CSMD1: variants seen among roughly 807,000 people sequenced by gnomAD.
CSMD1 encodes the protein CUB and Sushi multiple domains 1.
A neutral mutation model predicts 417.5 loss-of-function variants in CSMD1; 213 were observed. The ratio of observed to expected loss-of-function variants is 0.51; its 90% confidence interval spans 0.46 to 0.57. The LOEUF (loss-of-function observed/expected upper bound fraction) is 0.57. Ranked by LOEUF, CSMD1 falls within the 20% of genes least tolerant of loss-of-function variation. CSMD1 has a pLI of 0.00. For synonymous variants in CSMD1, 2,862 were observed against 1,736.8 expected (o/e 1.65, Z -16.11); for missense variants, 6,923 against 4,529.7 (o/e 1.53, Z -15.17).
At chr8:3,311,441 G>A (rs945320727) in intron 23 of CSMD1, among the ~76,000 whole-genome samples, 1 of 150,216 alleles carries the variant, frequency 6.7e-6, no homozygotes, top group Non-Finnish European at 1.5e-5. Flanking sequence ...GTAGAGTCAG[G>A]GTTTCACCAC....
At chr8:3,315,437 A>T (rs369521807) in intron 23 of CSMD1, among the ~76,000 whole-genome samples, 16 of 124,162 alleles carry the variant, frequency 1.3e-4, no homozygotes, top group South Asian at 2.3e-4. Context: ...AGGTGAAGTG[A>T]GTGTGTGTGT....
Position 4,824,889 on chromosome 8 carries a change from G to A in CSMD1, c.85+169443C>T, listed in dbSNP as rs545551745. 2.6e-5 allele frequency among the ~76,000 whole-genome samples: 4 copies of A among 152,176 alleles called. No individual in the cohort carries two copies. The South Asian group carries it at 6.2e-4, about 24-fold the overall frequency. ...TCATTGTAATAGAACGTGGCCACAG[G>A]GTAATGGGCTGTTACTGCTACACAA... is the stretch of plus-strand genomic sequence containing the variant. On this transcript the variant is annotated intron_variant, in intron 1 of 69. Coordinates refer to ENST00000635120, the MANE Select transcript of CSMD1 (RefSeq NM_033225.6).
rs369988550 is a variant in CSMD1, at chr8:3,343,384, G to C, written c.3541C>G (p.Leu1181Val). 2 of 1,613,724 alleles carry C rather than the reference G, an allele frequency of 1.2e-6. No homozygotes were observed. The highest frequency in any genetic ancestry group is 1.7e-6 in the Non-Finnish European group (2 of 1,179,690). Residue 1181 changes from leucine (L) to valine (V), a missense_variant, in exon 23 of 70, where the codon CTG becomes GTG. Transcript: ENST00000635120. ...GTFTKNELLG[L>V]ILNSTSNHLW... The stretch of plus-strand genomic sequence containing the variant: ...TGATTGGATGTGCTGTTTAGGATCA[G>C]CCCCAGAAGTTCATTTTTAGTGAAC...
At chr8:3,485,445 G>A (rs1027138319) in intron 11 of CSMD1, among the ~76,000 whole-genome samples, 1 of 151,604 alleles carries the variant, frequency 6.6e-6, no homozygotes, top group Non-Finnish European at 1.5e-5. Flanking sequence ...GGAACTTTGG[G>A]GTATTAGAAA....
chr8:3,548,426 G>C (rs889282461), intron 10 of CSMD1, among the ~76,000 whole-genome samples: 3 of 151,914 alleles, frequency 2.0e-5, no homozygotes, highest in African/African-American at 2.4e-5. Flanking sequence ...CCAGTTTGTA[G>C]TCTTGTATCC....
intron 3 of CSMD1, among the ~76,000 whole-genome samples, chr8:4,261,123 TG>T (rs1803850180): frequency 6.6e-6 from 1 of 152,240 alleles, no homozygotes; most frequent in Non-Finnish European, 1.5e-5. Flanking sequence ...TGTCTGTGTT[TG>T]TTAGACTCTT....
intron 3 of CSMD1, among the ~76,000 whole-genome samples, chr8:4,418,890 G>T (rs750920237): frequency 1.3e-5 from 2 of 152,122 alleles, no homozygotes; most frequent in African/African-American, 2.4e-5. Context: ...AGGCAGAATC[G>T]CAGACCATTC....
At chr8:4,606,491 A>G in intron 2 of CSMD1, among the ~76,000 whole-genome samples, 1 of 151,440 alleles carries the variant, frequency 6.6e-6, no homozygotes, top group Non-Finnish European at 1.5e-5. Context: ...GCCCTTTACC[A>G]CTCTTGGTTC....
intron 5 of CSMD1, among the ~76,000 whole-genome samples, chr8:3,967,168 A>G (rs1177750436): frequency 6.6e-6 from 1 of 151,120 alleles, no homozygotes; most frequent in South Asian, 2.1e-4. Context: ...ATGTTTATGT[A>G]TTCCTTTTCA....
intron 3 of CSMD1, among the ~76,000 whole-genome samples, chr8:4,257,955 C>T (rs1193440696): frequency 6.6e-6 from 1 of 152,108 alleles, no homozygotes; most frequent in African/African-American, 2.4e-5. Flanking sequence ...TCATTAGAAT[C>T]TTTGTCTGCT....
At chr8:3,622,371 C>A (rs1464110727) in intron 7 of CSMD1, among the ~76,000 whole-genome samples, 1 of 152,152 alleles carries the variant, frequency 6.6e-6, no homozygotes, top group Non-Finnish European at 1.5e-5. Flanking sequence ...GTAGTTAATG[C>A]ACTTTTCCAC....
At chr8:4,421,428 C>T (rs371399713) in intron 2 of CSMD1, among the ~76,000 whole-genome samples, 5 of 152,102 alleles carry the variant, frequency 3.3e-5, no homozygotes, top group South Asian at 4.2e-4. Context: ...AAACCATATT[C>T]GAGGCCATAA....
chr8:3,959,913 G>A (rs947031475), intron 5 of CSMD1, among the ~76,000 whole-genome samples: 3 of 152,150 alleles, frequency 2.0e-5, no homozygotes, highest in Non-Finnish European at 4.4e-5. Flanking sequence ...AGATGTATGG[G>A]TATTCCCTGA....
At chr8:3,012,380 T>C (rs1808458981) in intron 52 of CSMD1, among the ~76,000 whole-genome samples, 1 of 152,150 alleles carries the variant, frequency 6.6e-6, no homozygotes, top group African/African-American at 2.4e-5. Flanking sequence ...ATTCCTGTGT[T>C]TGGCCACTCC....
At chr8:4,819,600 A>T (rs1310400135) in intron 1 of CSMD1, among the ~76,000 whole-genome samples, 2 of 152,172 alleles carry the variant, frequency 1.3e-5, no homozygotes, top group Non-Finnish European at 2.9e-5. Flanking sequence ...AGCATTTTCA[A>T]ATTTTCTCCT....
At chr8:4,393,970 A>G (rs1299986267) in intron 3 of CSMD1, among the ~76,000 whole-genome samples, 1 of 152,164 alleles carries the variant, frequency 6.6e-6, no homozygotes, top group Non-Finnish European at 1.5e-5. Flanking sequence ...AGAATATGCC[A>G]TTTGCCAATT....
intron 1 of CSMD1, among the ~76,000 whole-genome samples, chr8:4,919,526 C>T (rs569131394): frequency 6.6e-6 from 1 of 152,256 alleles, no homozygotes; most frequent in South Asian, 2.1e-4. Context: ...CAGAAGTTTG[C>T]ATTAGTTCCA....
intron 1 of CSMD1, among the ~76,000 whole-genome samples, chr8:4,836,504 T>C (rs1312684321): frequency 6.6e-6 from 1 of 152,152 alleles, no homozygotes; most frequent in Admixed American, 6.5e-5. Context: ...CTAACATGAA[T>C]CATGCATATG....
intron 7 of CSMD1, among the ~76,000 whole-genome samples, chr8:3,687,086 G>A (rs959586540): frequency 7.9e-5 from 12 of 152,312 alleles, no homozygotes; most frequent in African/African-American, 2.6e-4. Context: ...AATACCAAAT[G>A]TATGTCCAAT....
Sources: allele counts gnomAD v4.1 joint callset (sites outside exome capture counted in the v4.1 genomes callset), GRCh38; gene constraint gnomAD v4.1.1; transcripts MANE v1.5; gene names NCBI Gene and HGNC (gene_info 2026-07-23, HGNC 2026-07-21).